DSTYK: variants seen among roughly 807,000 people sequenced by gnomAD.
The protein encoded by DSTYK is RIP-homologous kinase.
In DSTYK, 34 loss-of-function variants were observed where a neutral mutation model predicts 98.7. That is an observed-to-expected ratio of 0.34 (90% CI 0.26 to 0.46). The LOEUF (loss-of-function observed/expected upper bound fraction) is 0.46. Among genes scored for constraint, DSTYK ranks in the 20% least tolerant of loss-of-function variants. The pLI, the probability that DSTYK is intolerant of heterozygous loss-of-function variation, is 1.00. For synonymous variants in DSTYK, 462 were observed against 457.3 expected, an observed-to-expected ratio of 1.01 and a Z score of -0.13; for missense variants, 962 against 1,181.7, an observed-to-expected ratio of 0.81 and a Z score of 2.73.
At chr1:205,187,373 C>CTTTTATT in intron 2 of DSTYK, 45 bp downstream of exon 2, 1 of 1,524,990 alleles carries the variant, frequency 6.6e-7, no homozygotes. Context: ...AAAAGGAAAG[C>CTTTTATT]TGGTATATAT....
Position 205,151,950 on chromosome 1 carries a change from T to TA in DSTYK, c.2353-1157dup, listed in dbSNP as rs1041343801. 9.3e-4 allele frequency among the ~76,000 whole-genome samples: 141 copies of TA among 152,232 alleles called. 1 individual carries two copies. The highest frequency in any genetic ancestry group is 3.2e-3 in the African/African-American group (133 of 41,546). On this transcript the variant is annotated intron_variant, in intron 10 of 12. Transcript: ENST00000367162. ...TTTACTATATTATACTCTTTATTGT[T>TA]AGAGTATCTAAAAGGTATGAAAAGA...
At position 205,164,190 on chromosome 1, in the gene DSTYK, C is replaced by T. The variant is rs6689262; in HGVS notation, c.1325-235G>A. On this transcript the variant is annotated intron_variant, in intron 3 of 12. Transcript: ENST00000367162. ...AATTAAGTCCAGGTGCAGTGATTCA[C>T]GCCTGTAATTCCAAAACTTTGGGAG... 8.7e-3 allele frequency among the ~76,000 whole-genome samples: 1,320 copies of T among 152,240 alleles called. 23 individuals carry two copies. Among genetic ancestry groups the T allele is most frequent in the African/African-American group, 0.03 (1,261 of 41,540 alleles).
chr1:205,169,087 C>T lies in DSTYK; in HGVS notation c.1324+76G>A, dbSNP rs922923923. 26 of 1,253,134 alleles carry T rather than the reference C, an allele frequency of 2.1e-5. No individual in the cohort carries two copies. The Admixed American group carries it at 3.2e-4, about 15-fold the overall frequency. The allele number at this position is 1,253,134 out of a possible 1,614,324, so 77.6% of individuals were successfully genotyped here. ...AGATTCCTTTAACCTTAGGAATTAA[C>T]GTTCTTAATTTCCGGCTAGAAAATG... On this transcript the variant is annotated intron_variant, in intron 3 of 12. Transcript: ENST00000367162. This position sits in a 1 kb window ranked among gnomAD's most constrained non-coding sequence, Gnocchi z 4.0.
intron 2 of DSTYK, among the ~76,000 whole-genome samples, chr1:205,182,279 T>C (rs1658431064): frequency 6.6e-6 from 1 of 151,416 alleles, no homozygotes; most frequent in Admixed American, 6.6e-5. Flanking sequence ...CGCACGCCTG[T>C]AGTCCCAGCT....
intron 1 of DSTYK, among the ~76,000 whole-genome samples, chr1:205,206,646 A>T (rs1659212529): frequency 6.8e-6 from 1 of 146,618 alleles, no homozygotes; most frequent in Non-Finnish European, 1.5e-5. Flanking sequence ...ACAGTGGGGC[A>T]ATCTCGACTC....
In DSTYK at chr1:205,147,563, T is replaced by A. The variant is rs764696869; in HGVS notation, c.2785A>T (p.Thr929Ser). Residue 929 changes from threonine (T) to serine (S), a missense_variant, in exon 13 of 13, where the codon ACT becomes TCT. Thr to Ser is a moderately conservative substitution (Grantham distance 58). Around this residue, in one of 4 missense-constraint regions of DSTYK, gnomAD observed 65 missense variants for 63.9 expected, o/e 1.02. Coordinates refer to ENST00000367162, the MANE Select transcript of DSTYK (RefSeq NM_015375.3). ...EQPNRGLDDS[T>S] The stretch of plus-strand genomic sequence containing the variant: ...AAAGAGAAAGGTCTTTGCTTTCAAG[T>A]AGAATCATCTAGTCCTCTGTTTGGC... 1 of 1,603,300 alleles carries A rather than the reference T, an allele frequency of 6.2e-7. No homozygotes were observed. Among genetic ancestry groups the A allele is most frequent in the Non-Finnish European group, 8.5e-7 (1 of 1,171,002 alleles).
chr1:205,206,532 G>C (rs1308636538), intron 1 of DSTYK, among the ~76,000 whole-genome samples: 2 of 150,948 alleles, frequency 1.3e-5, no homozygotes, highest in Non-Finnish European at 2.9e-5. Context: ...ACCCGCCTCA[G>C]CCTGCCAAAG....
rs759976825 is a variant in DSTYK at position 205,169,879 on chromosome 1, A to C, written c.655-47T>G. ...ATATCAGCGCCTCAGGGTCAGAACC[A>C]ATCCCTGTCTCCCCAAAGTCCCACA... On this transcript the variant is annotated intron_variant, in intron 2 of 12. Transcript: ENST00000367162. The surrounding 1 kb of genome is among the most constrained non-coding windows in gnomAD (Gnocchi z 4.0). 6.5e-7 allele frequency: 1 copy of C among 1,530,186 alleles called. No individual in the cohort carries two copies. Among genetic ancestry groups the C allele is most frequent in the South Asian group, 1.2e-5 (1 of 80,032 alleles). The allele number at this position is 1,530,186 out of a possible 1,614,324, so 94.8% of individuals were successfully genotyped here. A position where few individuals can be genotyped will look rare whatever the true frequency, so the allele number is the denominator to read the frequency against.
chr1:205,207,907 G>A (rs916650100), intron 1 of DSTYK, among the ~76,000 whole-genome samples: 2 of 150,592 alleles, frequency 1.3e-5, no homozygotes, highest in East Asian at 2.0e-4. Context: ...ACAGAGTTTC[G>A]CTCTTCTTGC....
intron 10 of DSTYK, among the ~76,000 whole-genome samples, chr1:205,153,047 A>G (rs1185338136): frequency 6.6e-6 from 1 of 152,174 alleles, no homozygotes; most frequent in Non-Finnish European, 1.5e-5. Context: ...CAGAAAGTTG[A>G]GGTCCTCCGG....
intron 2 of DSTYK, among the ~76,000 whole-genome samples, chr1:205,182,498 T>TAAAAAAAAA (rs386369411): frequency 2.6e-5 from 2 of 77,752 alleles, no homozygotes; most frequent in Non-Finnish European, 4.5e-5. Context: ...TTAAAAACGG[T>TAAAAAAAAA]AAAAAAAAAA....
Position 205,144,033 on chromosome 1 carries a change from T to G in DSTYK, c.*3525A>C, listed in dbSNP as rs1241525178. The G allele has an allele frequency of 6.6e-6, 1 of 152,612 alleles. No homozygotes were observed. The highest frequency in any genetic ancestry group is 2.4e-5 in the African/African-American group (1 of 41,436). 9.5% of individuals were successfully genotyped at this position (152,612 alleles called of 1,614,324 possible). A position where few individuals can be genotyped will look rare whatever the true frequency, so the allele number is the denominator to read the frequency against. ...TACTCTTTGCAGAGGATCAGGGAAC[T>G]AAGGTATGCCTGGGGAAACCCCACC... On this transcript the variant is annotated 3_prime_UTR_variant, in exon 13 of 13. Transcript: ENST00000367162.
At position 205,169,752 on chromosome 1, in the gene DSTYK, C is replaced by T. The variant is rs770911282; in HGVS notation, c.735G>A (p.Leu245=). 1.9e-6 allele frequency: 3 copies of T among 1,614,196 alleles called. No homozygotes were observed. Among genetic ancestry groups the T allele is most frequent in the South Asian group, 2.2e-5 (2 of 91,082 alleles). Residue 245 remains leucine, a synonymous_variant, in exon 3 of 13, where the codon TTG becomes TTA. Transcript: ENST00000367162. This position sits in a 1 kb window ranked among gnomAD's most constrained non-coding sequence, Gnocchi z 4.0. ...DVLGDLVNDF[L]PVITYALHKD... is the part of the protein sequence containing the mutation. ...TGTGGAGTGCATAGGTTATCACAGG[C>T]AAGAAATCATTCACCAAGTCACCCA...
In DSTYK at chr1:205,143,137, T is replaced by C. The variant is rs1482932880; in HGVS notation, c.*4421A>G. 1 of 151,544 alleles carries C rather than the reference T, an allele frequency of 6.6e-6. No homozygotes were observed. Among genetic ancestry groups the C allele is most frequent in the African/African-American group, 2.4e-5 (1 of 41,182 alleles). 9.4% of individuals were successfully genotyped at this position (151,544 alleles called of 1,614,324 possible). A position where few individuals can be genotyped will look rare whatever the true frequency, so the allele number is the denominator to read the frequency against. On this transcript the variant is annotated 3_prime_UTR_variant, in exon 13 of 13. Coordinates refer to ENST00000367162, the MANE Select transcript of DSTYK (RefSeq NM_015375.3). ...ACCTCCATAACTGAAGGATTAACCT[T>C]CTTTTTCTTTTTCTTTTTTTTTTTT...
chr1:205,173,928 A>C (rs1438780153), intron 2 of DSTYK, among the ~76,000 whole-genome samples: 2 of 151,980 alleles, frequency 1.3e-5, no homozygotes, highest in East Asian at 3.9e-4. Flanking sequence ...CCATGTTAGC[A>C]AGGCTGGTCT....
chr1:205,176,006 T>C (rs1289219572), intron 2 of DSTYK, among the ~76,000 whole-genome samples: 1 of 152,180 alleles, frequency 6.6e-6, no homozygotes, highest in African/African-American at 2.4e-5. Flanking sequence ...AGTAAGCATT[T>C]TGCTCCTAAC....
At chr1:205,161,521 AGC>A in intron 6 of DSTYK, 134 bp from the exon 7 acceptor site, 2 of 968,126 alleles carry the variant, frequency 2.1e-6, no homozygotes, top group Non-Finnish European at 3.0e-6. Context: ...TAACATGTTT[AGC>A]ACAGAGACTG....
At position 205,143,865 on chromosome 1, in the gene DSTYK, C is replaced by T. The variant is rs1657143546; in HGVS notation, c.*3693G>A. 6.6e-6 allele frequency: 1 copy of T among 152,576 alleles called. No individual in the cohort carries two copies. The highest frequency in any genetic ancestry group is 1.5e-5 in the Non-Finnish European group (1 of 68,054). The allele number at this position is 152,576 out of a possible 1,614,324, so 9.5% of individuals were successfully genotyped here. A position where few individuals can be genotyped will look rare whatever the true frequency, so the allele number is the denominator to read the frequency against. On this transcript the variant is annotated 3_prime_UTR_variant, in exon 13 of 13. Transcript: ENST00000367162. Reference sequence around the variant, plus strand: ...TAGTAATGCATTCTTTCCTCCACTGCTTCCTTGAATTTTAGTGTTAAAAAT... The same window carrying T: ...TAGTAATGCATTCTTTCCTCCACTGTTTCCTTGAATTTTAGTGTTAAAAAT...
intron 2 of DSTYK, among the ~76,000 whole-genome samples, chr1:205,176,968 G>C (rs949463127): frequency 6.6e-6 from 1 of 152,106 alleles, no homozygotes; most frequent in African/African-American, 2.4e-5. Flanking sequence ...ACTTTGGAAG[G>C]CTGAGGCTGG....
Sources: allele counts gnomAD v4.1 joint callset (sites outside exome capture counted in the v4.1 genomes callset), GRCh38; gene constraint gnomAD v4.1.1; regional missense constraint gnomAD v4.1.1; non-coding constraint Gnocchi (gnomAD v3.1); transcripts MANE v1.5; gene names NCBI Gene and HGNC (gene_info 2026-07-23, HGNC 2026-07-21).